Variants in RERE observed in about 807,000 individuals in gnomAD.
RERE encodes the protein arginine-glutamic acid dipeptide repeats, also known as arginine-glutamic acid dipeptide repeats protein.
In RERE, 40 loss-of-function variants were observed where a neutral mutation model predicts 146.1. That is an observed-to-expected ratio of 0.27 (90% confidence interval 0.21 to 0.36). RERE has a LOEUF of 0.36. Ranked by LOEUF, RERE falls within the 10% of genes least tolerant of loss-of-function variation. The probability of loss-of-function intolerance (pLI) is 1.00; values close to 1 mark genes in which losing one functional copy is unlikely to be tolerated. For missense variants in RERE, 1,933 were observed against 2,138.7 expected (o/e 0.90, Z 1.90); for synonymous variants, 1,003 against 866.0 (o/e 1.16, Z -2.78).
At chr1:8,629,758 G>A (rs1161826142) in intron 2 of RERE, among the ~76,000 whole-genome samples, 1 of 152,146 alleles carries the variant, frequency 6.6e-6, no homozygotes, top group Non-Finnish European at 1.5e-5. Context: ...GCAATGCTCA[G>A]CCACTGCTCC....
chr1:8,592,916 T>C (rs1330680655), intron 4 of RERE, among the ~76,000 whole-genome samples: 2 of 152,188 alleles, frequency 1.3e-5, no homozygotes, highest in African/African-American at 4.8e-5. Flanking sequence ...ACAATCGCCA[T>C]GTAATCTCTT....
intron 1 of RERE, among the ~76,000 whole-genome samples, chr1:8,712,437 CT>C (rs1179614176): frequency 6.6e-6 from 1 of 152,210 alleles, no homozygotes; most frequent in East Asian, 1.9e-4. Flanking sequence ...TCAGAGCAAG[CT>C]GACTCTACAG....
At position 8,360,445 on chromosome 1, in the gene RERE, G is replaced by T; in HGVS notation, c.3062C>A (p.Pro1021His). ...QNLPPPPASH[P>H]PTGLHQVAPQ... is the part of the protein sequence containing the mutation. ...GGCCACCTGGTGGAGGCCTGTAGGG[G>T]GGTGGGAGGCAGGGGGCGGGGGCAG... The change falls in exon 18 of 23, where the codon CCC (proline) becomes CAC (histidine). Residue 1021 changes from proline to histidine, a missense_variant. Pro to His is a moderately conservative substitution (Grantham distance 77). This residue lies in a region of RERE where 1,255 missense variants were observed against 1,153.8 expected (regional missense o/e 1.09). Coordinates refer to ENST00000400908, the MANE Select transcript of RERE (RefSeq NM_001042681.2). 1 of 925,182 alleles carries T rather than the reference G, an allele frequency of 1.1e-6. No individual in the cohort carries two copies. Among genetic ancestry groups the T allele is most frequent in the Non-Finnish European group, 1.5e-6 (1 of 659,246 alleles). The allele number at this position is 925,182 out of a possible 1,614,324, so 57.3% of individuals were successfully genotyped here. A position where few individuals can be genotyped will look rare whatever the true frequency, so the allele number is the denominator to read the frequency against.
chr1:8,598,775 T>C (rs116650221), intron 4 of RERE, among the ~76,000 whole-genome samples: 2,883 of 152,342 alleles, frequency 0.019, 53 homozygotes, highest in South Asian at 0.038. Flanking sequence ...CACTGTTCTT[T>C]AGCCTCACCT....
intron 10 of RERE, among the ~76,000 whole-genome samples, chr1:8,471,593 C>T (rs374798932): frequency 6.7e-6 from 1 of 150,272 alleles, no homozygotes; most frequent in African/African-American, 2.5e-5. Context: ...AGCCCACTTC[C>T]GCCTGAATTC....
At chr1:8,741,346 G>A (rs1350051425) in intron 1 of RERE, among the ~76,000 whole-genome samples, 1 of 152,220 alleles carries the variant, frequency 6.6e-6, no homozygotes, top group African/African-American at 2.4e-5. Flanking sequence ...CAGACACTCA[G>A]TATCAGCTCA....
intron 12 of RERE, among the ~76,000 whole-genome samples, chr1:8,375,029 C>T (rs1362551552): frequency 6.6e-6 from 1 of 152,224 alleles, no homozygotes; most frequent in East Asian, 1.9e-4. Context: ...TACATCTTTT[C>T]ATTCCCGCCT....
intron 10 of RERE, among the ~76,000 whole-genome samples, chr1:8,485,831 G>A (rs1025597359): frequency 2.3e-5 from 3 of 131,914 alleles, no homozygotes; most frequent in African/African-American, 8.8e-5. Context: ...ATGGAGTCTC[G>A]CTCTATTGGC....
At chr1:8,727,613 C>T (rs1276535353) in intron 1 of RERE, among the ~76,000 whole-genome samples, 1 of 152,298 alleles carries the variant, frequency 6.6e-6, no homozygotes, top group South Asian at 2.1e-4. Flanking sequence ...CCTGCCTCCG[C>T]CTCCCAAGTA....
At chr1:8,495,959 G>A (rs1180888855) in intron 9 of RERE, among the ~76,000 whole-genome samples, 1 of 152,022 alleles carries the variant, frequency 6.6e-6, no homozygotes, top group Non-Finnish European at 1.5e-5. Flanking sequence ...AGGACTGCTT[G>A]AGGCCAGAGA....
At chr1:8,769,208 G>A (rs189612783) in intron 1 of RERE, among the ~76,000 whole-genome samples, 246 of 152,136 alleles carry the variant, frequency 1.6e-3, no homozygotes, top group Non-Finnish European at 3.0e-3. Context: ...TTGTTTTGAG[G>A]GGTAAACTGC....
chr1:8,426,646 C>T (rs1385826430), intron 11 of RERE, among the ~76,000 whole-genome samples: 1 of 152,128 alleles, frequency 6.6e-6, no homozygotes, highest in Non-Finnish European at 1.5e-5. Flanking sequence ...TTATCTGGCC[C>T]TTAGCCCCTA....
chr1:8,574,340 C>CTTTTT (rs35921166), intron 4 of RERE, among the ~76,000 whole-genome samples: 32 of 87,228 alleles, frequency 3.7e-4, no homozygotes, highest in African/African-American at 9.3e-4. Context: ...TATATATAGT[C>CTTTTT]TTTTTTTTTT....
intron 12 of RERE, among the ~76,000 whole-genome samples, chr1:8,403,254 A>T (rs1175767759): frequency 1.3e-5 from 2 of 152,004 alleles, no homozygotes; most frequent in Non-Finnish European, 2.9e-5. Context: ...TCTTGAGTCA[A>T]TTTTAAGAAT....
chr1:8,450,403 C>T (rs1644376878), intron 11 of RERE, among the ~76,000 whole-genome samples: 1 of 151,886 alleles, frequency 6.6e-6, no homozygotes, highest in Non-Finnish European at 1.5e-5. Context: ...CAACGCTCAC[C>T]TCCCTCTCCA....
In RERE at chr1:8,401,038, CA is replaced by C. The variant is rs1412531656; in HGVS notation, c.1284+21688del. 2.6e-4 allele frequency among the ~76,000 whole-genome samples: 15 copies of C among 57,486 alleles called. No individual in the cohort carries two copies. In the East Asian group the frequency reaches 5.3e-3, roughly 20 times the overall value. 37.7% of individuals were successfully genotyped at this position (57,486 alleles called of 152,430 possible). A position where few individuals can be genotyped will look rare whatever the true frequency, so the allele number is the denominator to read the frequency against. On this transcript the variant is annotated intron_variant, in intron 12 of 22. Transcript: ENST00000400908. ...GTCTCAAAAAAAAAAAAAAAAAAACCATATATATATATATATATATATATAT... is the reference window on the plus strand; with the variant it reads ...GTCTCAAAAAAAAAAAAAAAAAAACCTATATATATATATATATATATATAT...
intron 1 of RERE, chr1:8,750,367 T>C: frequency 1.6e-6 from 1 of 641,490 alleles, no homozygotes; most frequent in South Asian, 1.8e-5. Flanking sequence ...TCATTCAACA[T>C]CTGTGAGTGT....
chr1:8,633,139 G>T (rs1037851006), intron 2 of RERE, among the ~76,000 whole-genome samples: 13 of 152,150 alleles, frequency 8.5e-5, no homozygotes, highest in African/African-American at 2.7e-4. Flanking sequence ...TTTACTTATG[G>T]CCAAGCTTAG....
chr1:8,805,032 A>G (rs1320502150), intron 1 of RERE, among the ~76,000 whole-genome samples: 2 of 111,704 alleles, frequency 1.8e-5, no homozygotes, highest in East Asian at 5.1e-4. Flanking sequence ...TTTTTTTGAG[A>G]CAGAGTCTTG....
Sources: gnomAD v4.1 joint callset for allele counts (sites outside exome capture counted in the v4.1 genomes callset) on GRCh38, gnomAD v4.1.1 for gene constraint, gnomAD v4.1.1 regional missense constraint, MANE v1.5 for transcripts, NCBI Gene and HGNC (gene_info 2026-07-23, HGNC 2026-07-21) for gene names.